The following GNAQ variants were observed in gnomAD, a reference collection of about 807,000 sequenced individuals.
GNAQ encodes the protein guanine nucleotide-binding protein G(q) subunit alpha.
A neutral mutation model predicts 43.9 loss-of-function variants in GNAQ; 8 were observed. The ratio of observed to expected loss-of-function variants is 0.18; its 90% CI spans 0.11 to 0.33. The LOEUF is 0.33. Ranked by LOEUF, GNAQ falls within the 10% of genes least tolerant of loss-of-function variation. The pLI is 1.00. For missense variants in GNAQ, 158 were observed against 450.8 expected (o/e 0.35, Z 5.88); for synonymous variants, 155 against 170.7 (o/e 0.91, Z 0.71).
intron 1 of GNAQ, among the ~76,000 whole-genome samples, chr9:77,964,873 A>G (rs1021852693): frequency 7.9e-5 from 12 of 152,170 alleles, no homozygotes; most frequent in African/African-American, 2.9e-4. Flanking sequence ...ATCTTAAGAT[A>G]AAATACCCAT....
chr9:77,847,409 G>C, intron 2 of GNAQ, among the ~76,000 whole-genome samples: 1 of 152,144 alleles, frequency 6.6e-6, no homozygotes, highest in South Asian at 2.1e-4. Flanking sequence ...AAACACGATG[G>C]GAATGGCCTG....
chr9:77,911,059 C>T (rs1460703030), intron 2 of GNAQ, among the ~76,000 whole-genome samples: 1 of 152,194 alleles, frequency 6.6e-6, no homozygotes, highest in Non-Finnish European at 1.5e-5. Flanking sequence ...CCAATCTCTG[C>T]CCTCAAGTGT....
chr9:78,004,026 T>C (rs1012240038), intron 1 of GNAQ, among the ~76,000 whole-genome samples: 6 of 152,038 alleles, frequency 3.9e-5, no homozygotes, highest in African/African-American at 1.5e-4. Flanking sequence ...CAAATGTGTA[T>C]AAATCATCAC....
intron 6 of GNAQ, among the ~76,000 whole-genome samples, chr9:77,721,830 G>A (rs563769360): frequency 6.6e-6 from 1 of 152,156 alleles, no homozygotes; most frequent in South Asian, 2.1e-4. Flanking sequence ...TTCATCAGGG[G>A]AGTGATAGCT....
intron 2 of GNAQ, among the ~76,000 whole-genome samples, chr9:77,916,798 G>A (rs878972128): frequency 6.6e-6 from 1 of 151,036 alleles, no homozygotes; most frequent in Non-Finnish European, 1.5e-5. Flanking sequence ...ACTCAACATT[G>A]GCCCAAGGTG....
chr9:77,859,891 A>G (rs772854468), intron 2 of GNAQ, among the ~76,000 whole-genome samples: 48 of 152,230 alleles, frequency 3.2e-4, no homozygotes, highest in Non-Finnish European at 5.3e-4. Flanking sequence ...GGTCCTGGCA[A>G]GCTACTAGTA....
chr9:77,969,340 T>C (rs1319947955), intron 1 of GNAQ, among the ~76,000 whole-genome samples: 1 of 152,212 alleles, frequency 6.6e-6, no homozygotes, highest in Admixed American at 6.5e-5. Flanking sequence ...TTAAGAATTT[T>C]TGCTGGACTG....
At chr9:77,758,531 A>G (rs1242316153) in intron 5 of GNAQ, among the ~76,000 whole-genome samples, 1 of 152,216 alleles carries the variant, frequency 6.6e-6, no homozygotes, top group Non-Finnish European at 1.5e-5. Context: ...ATATAGCAGA[A>G]AATTTCAACA....
At chr9:77,903,136 G>A (rs1212036312) in intron 2 of GNAQ, among the ~76,000 whole-genome samples, 1 of 152,086 alleles carries the variant, frequency 6.6e-6, no homozygotes, top group Non-Finnish European at 1.5e-5. Context: ...GTTAGAAGAG[G>A]TCAGCCCAGA....
At chr9:77,783,960 C>T (rs1826436270) in intron 5 of GNAQ, among the ~76,000 whole-genome samples, 1 of 151,972 alleles carries the variant, frequency 6.6e-6, no homozygotes, top group South Asian at 2.1e-4. Flanking sequence ...AAATTTCACA[C>T]TAATAACACA....
rs549911507 is a variant in GNAQ, at chr9:77,829,509, A to G, written c.322-13739T>C. ...TACTATCCTGCTTTTACAGATGAGA[A>G]AAGTGTTATTTAGTGTTCACAATAA... On this transcript the variant is annotated intron_variant, in intron 2 of 6. Transcript: ENST00000286548. 6.6e-5 allele frequency among the ~76,000 whole-genome samples: 10 copies of G among 152,328 alleles called. No homozygotes were observed. In the South Asian group the frequency reaches 1.9e-3, roughly 28 times the overall value.
intron 1 of GNAQ, among the ~76,000 whole-genome samples, chr9:78,012,418 A>T (rs1823785060): frequency 6.6e-6 from 1 of 151,968 alleles, no homozygotes; most frequent in South Asian, 2.1e-4. Flanking sequence ...CATGTTGGCC[A>T]GGTTGGTCTC....
chr9:77,913,250 T>A (rs567675115), intron 2 of GNAQ, among the ~76,000 whole-genome samples: 54 of 151,728 alleles, frequency 3.6e-4, no homozygotes, highest in Admixed American at 1.4e-3. Flanking sequence ...ATATTTGCAG[T>A]ATTTTTATCA....
intron 1 of GNAQ, among the ~76,000 whole-genome samples, chr9:77,925,161 C>A (rs1039089275): frequency 2.0e-5 from 3 of 152,082 alleles, no homozygotes; most frequent in Non-Finnish European, 4.4e-5. Flanking sequence ...AAGTTACTTA[C>A]ACCTGGTCCA....
chr9:78,022,132 G>GTT (rs1282523844), intron 1 of GNAQ, among the ~76,000 whole-genome samples: 1 of 152,160 alleles, frequency 6.6e-6, no homozygotes, highest in African/African-American at 2.4e-5. Flanking sequence ...TTATTACAGA[G>GTT]GTCAAAGAGA....
Position 78,031,158 on chromosome 9 carries a change from C to G in GNAQ, c.78G>C (p.Glu26Asp). 1 of 1,555,250 alleles carries G rather than the reference C, an allele frequency of 6.4e-7. No homozygotes were observed. The highest frequency in any genetic ancestry group is 8.7e-7 in the Non-Finnish European group (1 of 1,151,624). Residue 26 changes from glutamate (E) to aspartate (D), a missense_variant, in exon 1 of 7, where the codon GAG becomes GAC. Glu to Asp is a conservative substitution (Grantham distance 45). This residue lies in a region of GNAQ where 10 missense variants were observed against 28.8 expected (regional missense o/e 0.35). Coordinates refer to ENST00000286548, the MANE Select transcript of GNAQ (RefSeq NM_002072.5). ...CCCGCTTGTCCCTGCGGAGCTGCCG[C>G]TCGATCTCGTCGTTGATCCGCCGGG... is the stretch of plus-strand genomic sequence containing the variant. ...KEARRINDEI[E>D]RQLRRDKRDA...
At chr9:78,001,456 G>A (rs185156640) in intron 1 of GNAQ, among the ~76,000 whole-genome samples, 4 of 151,930 alleles carry the variant, frequency 2.6e-5, no homozygotes. Flanking sequence ...ACAGCACCAA[G>A]ATATATCCCC....
At chr9:78,014,726 A>T (rs1308154145) in intron 1 of GNAQ, among the ~76,000 whole-genome samples, 2 of 152,230 alleles carry the variant, frequency 1.3e-5, no homozygotes, top group African/African-American at 4.8e-5. Context: ...GCTGAGTTCA[A>T]GATATAATAG....
intron 5 of GNAQ, among the ~76,000 whole-genome samples, chr9:77,729,925 A>G (rs2118223347): frequency 6.6e-6 from 1 of 152,318 alleles, no homozygotes; most frequent in South Asian, 2.1e-4. Flanking sequence ...TAGTTTAGCC[A>G]AGCAATTCAA....
Sources: allele counts gnomAD v4.1 joint callset (sites outside exome capture counted in the v4.1 genomes callset), GRCh38; gene constraint gnomAD v4.1.1; regional missense constraint gnomAD v4.1.1; transcripts MANE v1.5; gene names NCBI Gene and HGNC (gene_info 2026-07-23, HGNC 2026-07-21).